Variants in FSTL4 observed in about 807,000 individuals in gnomAD.
FSTL4 encodes the protein follistatin-related protein 4.
Under a neutral mutation model 78.2 loss-of-function variants are expected in FSTL4, and 28 were observed. The ratio of observed to expected loss-of-function variants is 0.36; its 90% CI spans 0.27 to 0.49. The LOEUF (loss-of-function observed/expected upper bound fraction) is 0.49, where lower values mean the gene tolerates loss of function less well. Among genes scored for constraint, FSTL4 ranks in the 20% least tolerant of loss-of-function variants. The pLI is 0.98. For missense variants in FSTL4, 922 were observed against 1,084.9 expected (o/e 0.85, Z 2.11); for synonymous variants, 422 against 440.5 (o/e 0.96, Z 0.53).
the FSTL4 span, among the ~76,000 whole-genome samples, chr5:133,764,846 C>A: frequency 1.4e-4 from 22 of 152,050 alleles, no homozygotes; most frequent in African/African-American, 4.8e-4. Flanking sequence ...TACAGGTGAG[C>A]CTCTTAAGAT....
chr5:133,321,517 T>C (rs1390642161), intron 4 of FSTL4, among the ~76,000 whole-genome samples: 1 of 152,170 alleles, frequency 6.6e-6, no homozygotes, highest in East Asian at 1.9e-4. Flanking sequence ...TCCTCCCTGG[T>C]GCCCCTGTGG....
chr5:133,627,202 C>T, the FSTL4 span, among the ~76,000 whole-genome samples: 27,964 of 145,062 alleles, frequency 0.19, 3,110 homozygotes, highest in African/African-American at 0.29. Context: ...TAGGCTGTCC[C>T]CACACTGCCA....
chr5:133,245,140 A>G (rs1393463699), intron 7 of FSTL4, among the ~76,000 whole-genome samples: 1 of 150,278 alleles, frequency 6.7e-6, no homozygotes, highest in Admixed American at 6.6e-5. Context: ...AAAAAAAAAA[A>G]AGGCAAAGTG....
chr5:133,407,695 T>A (rs960260947), intron 3 of FSTL4, among the ~76,000 whole-genome samples: 7 of 152,252 alleles, frequency 4.6e-5, no homozygotes, highest in African/African-American at 1.7e-4. Flanking sequence ...CCAATTTGTA[T>A]GAAACCAAAG....
chr5:133,307,788 T>TC (rs1202209809), intron 6 of FSTL4, among the ~76,000 whole-genome samples: 1 of 150,868 alleles, frequency 6.6e-6, no homozygotes, highest in Non-Finnish European at 1.5e-5. Flanking sequence ...ATTTTCTTTT[T>TC]TTTTTTTTTT....
At chr5:133,264,456 G>A (rs572769671) in intron 6 of FSTL4, among the ~76,000 whole-genome samples, 4 of 152,144 alleles carry the variant, frequency 2.6e-5, no homozygotes, top group Middle Eastern at 3.4e-3. Context: ...AACCTTGCCC[G>A]GGGGTGTGGC....
chr5:133,687,941 C>T, the FSTL4 span, among the ~76,000 whole-genome samples: 3 of 152,198 alleles, frequency 2.0e-5, no homozygotes, highest in African/African-American at 7.2e-5. Context: ...TGGCTCACCC[C>T]CACTATGTTT....
At chr5:133,801,412 C>G in the FSTL4 span, among the ~76,000 whole-genome samples, 1 of 152,218 alleles carries the variant, frequency 6.6e-6, no homozygotes, top group African/African-American at 2.4e-5. Context: ...ATTCCTCTCT[C>G]TCTCCACACC....
At chr5:133,810,394 T>C in the FSTL4 span, among the ~76,000 whole-genome samples, 4 of 152,216 alleles carry the variant, frequency 2.6e-5, no homozygotes, top group African/African-American at 9.7e-5. Context: ...TCATGCCAAA[T>C]TAATCAGCCT....
chr5:133,543,274 A>G (rs1759512682), intron 3 of FSTL4, among the ~76,000 whole-genome samples: 1 of 151,874 alleles, frequency 6.6e-6, no homozygotes, highest in Non-Finnish European at 1.5e-5. Flanking sequence ...CTTGTCTCCA[A>G]CTCCTGGCCT....
chr5:133,419,950 T>C (rs929914764), intron 3 of FSTL4, among the ~76,000 whole-genome samples: 1 of 152,192 alleles, frequency 6.6e-6, no homozygotes, highest in African/African-American at 2.4e-5. Context: ...AAAGGACACA[T>C]ACAAAAATAT....
At chr5:133,425,099 G>A (rs182373770) in intron 3 of FSTL4, among the ~76,000 whole-genome samples, 1 of 152,120 alleles carries the variant, frequency 6.6e-6, no homozygotes, top group African/African-American at 2.4e-5. Flanking sequence ...CACATGTATT[G>A]CACATTTATT....
At chr5:133,339,841 T>G (rs1260217169) in intron 4 of FSTL4, among the ~76,000 whole-genome samples, 1 of 152,150 alleles carries the variant, frequency 6.6e-6, no homozygotes, top group East Asian at 1.9e-4. Flanking sequence ...AAGTGCGAGG[T>G]GCTCTAGCTG....
intron 4 of FSTL4, among the ~76,000 whole-genome samples, chr5:133,325,234 G>T (rs1230591970): frequency 6.6e-6 from 1 of 152,220 alleles, no homozygotes; most frequent in East Asian, 1.9e-4. Context: ...ATAGCTTCAG[G>T]AAAGACCCTG....
At chr5:133,837,344 A>G in the FSTL4 span, among the ~76,000 whole-genome samples, 1 of 152,176 alleles carries the variant, frequency 6.6e-6, no homozygotes, top group Non-Finnish European at 1.5e-5. Flanking sequence ...AACCACAGTC[A>G]TTTTAAAGCT....
At chr5:133,811,182 T>C in the FSTL4 span, among the ~76,000 whole-genome samples, 11 of 152,276 alleles carry the variant, frequency 7.2e-5, no homozygotes, top group Non-Finnish European at 1.6e-4. Context: ...AAACAAAGGT[T>C]ATTGAGTTCT....
rs543101616 is a variant in FSTL4, at chr5:133,217,210, C to G, written c.1608+19G>C. 2 of 1,598,470 alleles carry G rather than the reference C, an allele frequency of 1.3e-6. No individual in the cohort carries two copies. The highest frequency in any genetic ancestry group is 2.2e-5 in the South Asian group (2 of 89,674). ...GCCCCAGAATTTGAAGTTTTCCTCA[C>G]TCCATTAAAGAGGTGTACCTGTAGG... On this transcript the variant is annotated intron_variant, in intron 13 of 15. Coordinates refer to ENST00000265342, the MANE Select transcript of FSTL4 (RefSeq NM_015082.2).
chr5:133,433,042 C>G (rs1215304326), intron 3 of FSTL4, among the ~76,000 whole-genome samples: 2 of 152,220 alleles, frequency 1.3e-5, no homozygotes, highest in African/African-American at 4.8e-5. Context: ...CTCCTCTATT[C>G]TCTCTGCCCC....
chr5:133,669,233 G>A, the FSTL4 span, among the ~76,000 whole-genome samples: 1 of 152,186 alleles, frequency 6.6e-6, no homozygotes, highest in East Asian at 1.9e-4. Context: ...CAAGGGGTCA[G>A]CTACGGAGAC....
Sources: allele counts gnomAD v4.1 joint callset (sites outside exome capture counted in the v4.1 genomes callset), GRCh38; gene constraint gnomAD v4.1.1; transcripts MANE v1.5; gene names NCBI Gene and HGNC (gene_info 2026-07-23, HGNC 2026-07-21).